The following METTL27 variants were observed in gnomAD, a reference collection of about 807,000 sequenced individuals.
METTL27 encodes the protein methyltransferase like 27.
Under a neutral mutation model 24.5 loss-of-function variants are expected in METTL27, and 29 were observed. The observed-to-expected ratio is 1.18, with a 90% CI of 0.88 to 1.61. The LOEUF (loss-of-function observed/expected upper bound fraction) is 1.61, where lower values mean the gene tolerates loss of function less well. METTL27 is among the 40% of genes most tolerant of loss of function. The pLI is 0.00. For missense variants in METTL27, 341 were observed against 324.3 expected (o/e 1.05, Z -0.40); for synonymous variants, 138 against 146.8 (o/e 0.94, Z 0.43).
intron 2 of METTL27, 119 bp from the exon 3 acceptor site, chr7:73,841,317 G>C (rs4717823): frequency 0.71 from 1,015,556 of 1,424,092 alleles, 368,953 homozygotes; most frequent in Non-Finnish European, 0.75. Flanking sequence ...AAGCCTGGCT[G>C]GGGCTAGCGT....
chr7:73,838,819 C>G (rs1554635796), intron 5 of METTL27, among the ~76,000 whole-genome samples: 1 of 80,802 alleles, frequency 1.2e-5, no homozygotes, highest in Non-Finnish European at 3.1e-5. Context: ...ACAGCCTCTG[C>G]TGGGCCTGGC....
At position 73,842,031 on chromosome 7, in the gene METTL27, G is replaced by A; in HGVS notation, c.110C>T (p.Pro37Leu). Residue 37 changes from proline (P) to leucine (L), a missense_variant, in exon 2 of 6, where the codon CCG (proline) becomes CTG (leucine). By Grantham distance (98) the Pro-to-Leu change is moderately conservative. Transcript: ENST00000297873. ...QKLHFYDRWA[P>L]DYDQDVATLL... ...AAATGAGTTTACCTGGTCGTAGTCC[G>A]GAGCCCAGCGGTCATAGAAATGGAG... 6.2e-7 allele frequency: 1 copy of A among 1,614,148 alleles called. No individual in the cohort carries two copies. The highest frequency in any genetic ancestry group is 8.5e-7 in the Non-Finnish European group (1 of 1,180,000).
intron 2 of METTL27, among the ~76,000 whole-genome samples, 185 bp from the exon 3 acceptor site, chr7:73,841,383 G>A (rs1418070248): frequency 1.3e-5 from 2 of 151,876 alleles, no homozygotes; most frequent in African/African-American, 2.4e-5. Flanking sequence ...GGACTGGAGA[G>A]TTAGCCCCCA....
intron 5 of METTL27, among the ~76,000 whole-genome samples, chr7:73,838,215 C>A (rs1467336583): frequency 6.6e-6 from 1 of 152,112 alleles, no homozygotes; most frequent in Admixed American, 6.6e-5. Flanking sequence ...CACCACTCAC[C>A]CACGCCTCTG....
intron 5 of METTL27, among the ~76,000 whole-genome samples, chr7:73,839,204 A>C (rs1218297340): frequency 6.6e-6 from 1 of 152,136 alleles, no homozygotes; most frequent in Admixed American, 6.5e-5. Flanking sequence ...AATCTCTTGA[A>C]CCTGGGAGGT....
chr7:73,842,005 C>A lies in METTL27; in HGVS notation c.123+13G>T. 1 of 1,614,102 alleles carries A rather than the reference C, an allele frequency of 6.2e-7. No individual in the cohort carries two copies. Among genetic ancestry groups the A allele is most frequent in the Non-Finnish European group, 8.5e-7 (1 of 1,179,998 alleles). ...GGCTGGTCTAGTGGAGGCAAGGCCCCAAATGAGTTTACCTGGTCGTAGTCC... is the reference window on the plus strand; with the variant it reads ...GGCTGGTCTAGTGGAGGCAAGGCCCAAAATGAGTTTACCTGGTCGTAGTCC... On this transcript the variant is annotated intron_variant, in intron 2 of 5. Coordinates refer to ENST00000297873, the MANE Select transcript of METTL27 (RefSeq NM_152559.3).
rs1554636535 is a variant in METTL27 at position 73,842,011 on chromosome 7, A to T, written c.123+7T>A. ...TCTAGTGGAGGCAAGGCCCCAAATG[A>T]GTTTACCTGGTCGTAGTCCGGAGCC... On this transcript the variant is annotated splice_region_variant and intron_variant, in intron 2 of 5. Coordinates refer to ENST00000297873, the MANE Select transcript of METTL27 (RefSeq NM_152559.3). 6.2e-7 allele frequency: 1 copy of T among 1,613,952 alleles called. No individual in the cohort carries two copies. The highest frequency in any genetic ancestry group is 1.7e-5 in the Admixed American group (1 of 60,000).
chr7:73,838,865 T>C (rs1188626898), intron 5 of METTL27, among the ~76,000 whole-genome samples: 1 of 152,204 alleles, frequency 6.6e-6, no homozygotes, highest in Non-Finnish European at 1.5e-5. Context: ...TTTACCTCTA[T>C]GATTTCCTGT....
intron 2 of METTL27, 31 bp from the exon 3 acceptor site, chr7:73,841,229 G>C: frequency 1.3e-6 from 2 of 1,547,588 alleles, no homozygotes. Flanking sequence ...CTACAACACC[G>C]GTGCCCCAGT....
rs1174833908 is a variant in METTL27, at chr7:73,836,293, C to T, written c.479-1291G>A. On this transcript the variant is annotated intron_variant, in intron 5 of 5. Transcript: ENST00000297873. Reference sequence around the variant, plus strand: ...GAGGGAGGTGGGGGGGTCAGCCCCCCGCCCGGCCAGCTGCCCCGTCCAGTA... The same window carrying T: ...GAGGGAGGTGGGGGGGTCAGCCCCCTGCCCGGCCAGCTGCCCCGTCCAGTA... Among the ~76,000 whole-genome samples, 8 of 137,036 alleles carry T rather than the reference C, an allele frequency of 5.8e-5. No individual in the cohort carries two copies. In the South Asian group the frequency reaches 7.3e-4, roughly 13 times the overall value. The allele number at this position is 137,036 out of a possible 152,430, so 89.9% of individuals were successfully genotyped here.
intron 5 of METTL27, 128 bp from the exon 6 acceptor site, chr7:73,835,130 TC>T: frequency 7.5e-7 from 1 of 1,333,496 alleles, no homozygotes; most frequent in Non-Finnish European, 9.8e-7. Flanking sequence ...TCTCTCCCTC[TC>T]CCTCTCCCTC....
In METTL27 at chr7:73,840,467, T is replaced by C. The variant is rs1563652565; in HGVS notation, c.335A>G (p.Tyr112Cys). 6.2e-7 allele frequency: 1 copy of C among 1,607,156 alleles called. No homozygotes were observed. Among genetic ancestry groups the C allele is most frequent in the Non-Finnish European group, 8.5e-7 (1 of 1,177,506 alleles). ...CAGGGTGCAGAGGCTGAGGCGCTGA[T>C]AGAGGCCGGGGGCCTGGGCCTGTTC... The part of the protein sequence containing the change: ...MLEQAQAPGL[Y>C]QRLSLCTLGQ... The change falls in exon 4 of 6, where the codon TAT (tyrosine) becomes TGT (cysteine). Residue 112 changes from tyrosine (Y) to cysteine (C), a missense_variant. Transcript: ENST00000297873.
At position 73,836,181 on chromosome 7, in the gene METTL27, G is replaced by A. The variant is rs1183446070; in HGVS notation, c.479-1179C>T. 2.3e-3 allele frequency among the ~76,000 whole-genome samples: 280 copies of A among 121,966 alleles called. 1 individual carries two copies. The highest frequency in any genetic ancestry group is 4.2e-3 in the Non-Finnish European group (234 of 55,168). The allele number at this position is 121,966 out of a possible 152,430, so 80.0% of individuals were successfully genotyped here. On this transcript the variant is annotated intron_variant, in intron 5 of 5. Transcript: ENST00000297873. Reference sequence around the variant, plus strand: ...AGCCGCCCATCCGGGAGGGAGGTAGGGGGGTCAGCCCCCCGCCAGGCCAGC... The same window carrying A: ...AGCCGCCCATCCGGGAGGGAGGTAGAGGGGTCAGCCCCCCGCCAGGCCAGC...
chr7:73,840,988 C>A, intron 3 of METTL27, 82 bp downstream of exon 3: 1 of 1,390,484 alleles, frequency 7.2e-7, no homozygotes, highest in Non-Finnish European at 9.3e-7. Context: ...AGGTGTGGGG[C>A]AGGGTTCTGG....
At chr7:73,839,959 G>C in intron 5 of METTL27, 72 bp downstream of exon 5, 1 of 1,419,086 alleles carries the variant, frequency 7.0e-7, no homozygotes, top group East Asian at 2.3e-5. Context: ...TCTGGGGCCT[G>C]TGTCTGCACT....
chr7:73,835,850 C>T (rs1212381454), intron 5 of METTL27, among the ~76,000 whole-genome samples: 1 of 133,006 alleles, frequency 7.5e-6, no homozygotes, highest in Admixed American at 7.3e-5. Flanking sequence ...ATGTGGGGAG[C>T]GCCTCTGCCC....
chr7:73,835,098 C>A, intron 5 of METTL27, 96 bp from the exon 6 acceptor site: 5 of 1,459,676 alleles, frequency 3.4e-6, no homozygotes, highest in Non-Finnish European at 4.5e-6. Flanking sequence ...GCAAGAAATT[C>A]GACTTAAAAG....
Position 73,841,028 on chromosome 7 carries a change from T to C in METTL27, c.252+42A>G, listed in dbSNP as rs571510771. ...AGGGGCAGTAGGAGATTTGAGGAAG[T>C]GCGGGGCTAAGGAGTAGGCAGGGGA... On this transcript the variant is annotated intron_variant, in intron 3 of 5. Coordinates refer to ENST00000297873, the MANE Select transcript of METTL27 (RefSeq NM_152559.3). 2.5e-5 allele frequency: 35 copies of C among 1,425,026 alleles called. No homozygotes were observed. In the African/African-American group the frequency reaches 4.6e-4, roughly 19 times the overall value. The allele number at this position is 1,425,026 out of a possible 1,614,324, so 88.3% of individuals were successfully genotyped here.
chr7:73,839,448 C>T (rs1413629634), intron 5 of METTL27: 4 of 152,514 alleles, frequency 2.6e-5, no homozygotes, highest in East Asian at 1.9e-4. Flanking sequence ...CAGAACAAAG[C>T]GCTGAGCAAG....
Sources: allele counts gnomAD v4.1 joint callset (sites outside exome capture counted in the v4.1 genomes callset), GRCh38; gene constraint gnomAD v4.1.1; transcripts MANE v1.5; gene names NCBI Gene and HGNC (gene_info 2026-07-23, HGNC 2026-07-21).